The following IGSF5 variants were observed in gnomAD, a reference collection of about 807,000 sequenced individuals.
IGSF5 encodes the protein immunoglobulin superfamily 5 like.
IGSF5 carries 41 observed loss-of-function variants against 39.4 expected under a neutral mutation model. The ratio of observed to expected loss-of-function variants is 1.04; its 90% CI spans 0.81 to 1.35. The LOEUF is 1.35. Ranked by LOEUF, IGSF5 falls within the 40% of genes most tolerant of loss-of-function variation. The pLI is 0.00. For synonymous variants in IGSF5, 183 were observed against 175.3 expected (o/e 1.04, Z -0.34); for missense variants, 487 against 494.6 (o/e 0.98, Z 0.15).
At chr21:39,753,560 G>A (rs747599814) in intron 2 of IGSF5, among the ~76,000 whole-genome samples, 1 of 152,164 alleles carries the variant, frequency 6.6e-6, no homozygotes, top group Non-Finnish European at 1.5e-5. Flanking sequence ...TCTGTCTAGT[G>A]TTATCACTGG....
chr21:39,771,460 A>G (rs2080114692), intron 4 of IGSF5, among the ~76,000 whole-genome samples: 2 of 152,124 alleles, frequency 1.3e-5, no homozygotes, highest in African/African-American at 4.8e-5. Context: ...AATCTTGCCA[A>G]TTATTTATCA....
intron 5 of IGSF5, among the ~76,000 whole-genome samples, chr21:39,784,875 G>A (rs79269179): frequency 0.039 from 5,893 of 152,120 alleles, 402 homozygotes; most frequent in African/African-American, 0.13. Context: ...GTAAGCCGAC[G>A]GATTAACTGA....
At chr21:39,793,735 C>T in intron 8 of IGSF5, 122 bp downstream of exon 8, 1 of 779,340 alleles carries the variant, frequency 1.3e-6, no homozygotes, top group East Asian at 2.5e-5. Context: ...GTTGCCTTTC[C>T]TCCCCTCCAT....
the IGSF5 span, among the ~76,000 whole-genome samples, chr21:39,725,034 T>G: frequency 7.2e-5 from 11 of 152,276 alleles, no homozygotes; most frequent in Non-Finnish European, 1.2e-4. Context: ...CTCATCGTGC[T>G]GGCAAATGAC....
At chr21:39,788,060 A>T (rs2086934385) in intron 5 of IGSF5, 107 bp from the exon 6 acceptor site, 1 of 801,776 alleles carries the variant, frequency 1.2e-6, no homozygotes, top group African/African-American at 1.7e-5. Flanking sequence ...GGTCACAAAT[A>T]CTAATGTTGG....
intron 5 of IGSF5, among the ~76,000 whole-genome samples, chr21:39,784,898 G>A (rs1284383732): frequency 1.3e-5 from 2 of 151,896 alleles, no homozygotes; most frequent in African/African-American, 4.8e-5. Context: ...ACATAGGAAT[G>A]GCTGAGCTTC....
intron 4 of IGSF5, 126 bp from the exon 5 acceptor site, chr21:39,778,964 A>G: frequency 9.1e-7 from 1 of 1,101,692 alleles, no homozygotes; most frequent in Non-Finnish European, 1.3e-6. Flanking sequence ...TTGGCCTATG[A>G]CGCCTAGCCA....
the IGSF5 span, chr21:39,722,426 G>A: frequency 6.6e-6 from 1 of 152,114 alleles, no homozygotes; most frequent in Non-Finnish European, 1.5e-5. Context: ...ATATTATGGG[G>A]GAAACTTTAA....
chr21:39,712,531 G>C, the IGSF5 span, among the ~76,000 whole-genome samples: 3 of 152,086 alleles, frequency 2.0e-5, no homozygotes, highest in African/African-American at 7.2e-5. Flanking sequence ...CATACTGGGG[G>C]CTCAGGGTTG....
chr21:39,762,111 T>C (rs1008658171), intron 2 of IGSF5, among the ~76,000 whole-genome samples: 3 of 152,182 alleles, frequency 2.0e-5, no homozygotes, highest in African/African-American at 7.2e-5. Flanking sequence ...ATCTTCCAAG[T>C]GGATAAACTC....
At chr21:39,713,637 C>G in the IGSF5 span, among the ~76,000 whole-genome samples, 2 of 152,186 alleles carry the variant, frequency 1.3e-5, no homozygotes, top group African/African-American at 2.4e-5. Context: ...GCAAAACTGG[C>G]ATCTTTCATG....
rs530515372 is a variant in IGSF5, at chr21:39,757,046, C to CT, written c.101-8489_101-8488insT. On this transcript the variant is annotated intron_variant, in intron 2 of 8. Coordinates refer to ENST00000380588, the MANE Select transcript of IGSF5 (RefSeq NM_001080444.2). Reference sequence around the variant, plus strand: ...CATCAAGCACAGCAGGCACAGTCCCCCCGAGAGCCTTAGTACCTGCTCTTT... The same window carrying CT: ...CATCAAGCACAGCAGGCACAGTCCCCTCCGAGAGCCTTAGTACCTGCTCTTT... Among the ~76,000 whole-genome samples, 346 of 151,730 alleles carry CT rather than the reference C, an allele frequency of 2.3e-3. 3 individuals are homozygous for CT. Among genetic ancestry groups the CT allele is most frequent in the African/African-American group, 8.1e-3 (334 of 41,390 alleles).
At chr21:39,734,922 G>A in the IGSF5 span, among the ~76,000 whole-genome samples, 381 of 151,962 alleles carry the variant, frequency 2.5e-3, 1 homozygote, top group African/African-American at 8.7e-3. Context: ...GGAGTGCAGC[G>A]GCATGATCTT....
chr21:39,720,481 C>T, the IGSF5 span, among the ~76,000 whole-genome samples: 6 of 152,288 alleles, frequency 3.9e-5, no homozygotes, highest in African/African-American at 1.4e-4. Flanking sequence ...TAATTAACAT[C>T]TTACATAAGT....
At chr21:39,713,229 A>G in the IGSF5 span, among the ~76,000 whole-genome samples, 1 of 152,170 alleles carries the variant, frequency 6.6e-6, no homozygotes, top group Non-Finnish European at 1.5e-5. Flanking sequence ...TGGGTGTGGG[A>G]GAGTGTCTCG....
chr21:39,774,404 G>A lies in IGSF5; in HGVS notation c.718+3189G>A, dbSNP rs974035200. Among the ~76,000 whole-genome samples the A allele has an allele frequency of 2.0e-5, 3 of 152,160 alleles. No homozygotes were observed. In the East Asian group the frequency reaches 5.8e-4, roughly 29 times the overall value. ...TGTTTTCATTTCTGAAATGATCCCT[G>A]CAAGTCGTTGAAACAGGAATGACGT... is the stretch of plus-strand genomic sequence containing the variant. On this transcript the variant is annotated intron_variant, in intron 4 of 8. Coordinates refer to ENST00000380588, the MANE Select transcript of IGSF5 (RefSeq NM_001080444.2).
intron 5 of IGSF5, among the ~76,000 whole-genome samples, chr21:39,781,980 T>C (rs1182276306): frequency 6.6e-6 from 1 of 152,190 alleles, no homozygotes; most frequent in East Asian, 1.9e-4. Context: ...TTTCATTTAT[T>C]TGTCTTTCTA....
Position 39,779,256 on chromosome 21 carries a change from T to C in IGSF5, c.885T>C (p.Cys295=), listed in dbSNP as rs371394692. The change falls in exon 5 of 9, where the codon TGT becomes TGC. Residue 295 remains cysteine (C), a synonymous_variant. Transcript: ENST00000380588. ...IRCCCCRRRC[C]GCNCCCRCCF... is the part of the protein sequence containing the mutation. ...GCTGCTGCTGCCGCCGTCGTTGTTG[T>C]GGCTGCAACTGCTGCTGCCGTTGTT... The C allele has an allele frequency of 1.2e-6, 2 of 1,613,406 alleles. No individual in the cohort carries two copies. Among genetic ancestry groups the C allele is most frequent in the Non-Finnish European group, 1.7e-6 (2 of 1,179,496 alleles).
chr21:39,756,206 G>A (rs1276132681), intron 2 of IGSF5, among the ~76,000 whole-genome samples: 1 of 152,206 alleles, frequency 6.6e-6, no homozygotes, highest in Non-Finnish European at 1.5e-5. Flanking sequence ...ACAAAGGGGT[G>A]GAAACCCCAC....
Sources: gnomAD v4.1 joint callset for allele counts (sites outside exome capture counted in the v4.1 genomes callset) on GRCh38, gnomAD v4.1.1 for gene constraint, MANE v1.5 for transcripts, NCBI Gene and HGNC (gene_info 2026-07-23, HGNC 2026-07-21) for gene names.